Variants in C3AR1 observed in about 807,000 individuals in gnomAD.
C3AR1 encodes C3a anaphylatoxin chemotactic receptor.
For missense variants in C3AR1, 579 were observed against 583.5 expected, an observed-to-expected ratio of 0.99 and a Z score of 0.08; for synonymous variants, 208 against 225.3, an observed-to-expected ratio of 0.92 and a Z score of 0.69.
rs1432811728 is a variant in C3AR1 at position 8,059,905 on chromosome 12, A to G, written c.281T>C (p.Leu94Pro). Residue 94 changes from leucine (L) to proline (P), a missense_variant, in exon 2 of 2, where the codon CTA (leucine) becomes CCA (proline). Leu to Pro is a moderately conservative substitution (Grantham distance 98). Transcript: ENST00000307637. Reference sequence around the variant, plus strand: ...AATGATGGAGGGGATGAGCTTGCATAGGAACCTGCCGTAGGGCCACTGTCC... The same window carrying G: ...AATGATGGAGGGGATGAGCTTGCATGGGAACCTGCCGTAGGGCCACTGTCC... ...LQGQWPYGRFLCKLIPSIIVL... is the reference protein window; with the variant it reads ...LQGQWPYGRFPCKLIPSIIVL... 1.9e-6 allele frequency: 3 copies of G among 1,614,218 alleles called. No individual in the cohort carries two copies. Among genetic ancestry groups the G allele is most frequent in the Non-Finnish European group, 8.5e-7 (1 of 1,180,038 alleles).
intron 1 of C3AR1, among the ~76,000 whole-genome samples, chr12:8,060,433 C>T (rs948870690): frequency 6.6e-6 from 1 of 152,268 alleles, no homozygotes; most frequent in South Asian, 2.1e-4. Flanking sequence ...CTTCCTCTGT[C>T]GCGCAGGCTG....
At chr12:8,060,458 G>T (rs1401436806) in intron 1 of C3AR1, among the ~76,000 whole-genome samples, 1 of 152,176 alleles carries the variant, frequency 6.6e-6, no homozygotes, top group African/African-American at 2.4e-5. Flanking sequence ...GCAGTGGATT[G>T]ATTTCAGCTC....
chr12:8,058,608 G>T lies in C3AR1; in HGVS notation c.*129C>A. The T allele has an allele frequency of 9.6e-7, 1 of 1,045,494 alleles. No individual in the cohort carries two copies. The highest frequency in any genetic ancestry group is 1.4e-6 in the Non-Finnish European group (1 of 713,398). 64.8% of individuals were successfully genotyped at this position (1,045,494 alleles called of 1,614,324 possible). A position where few individuals can be genotyped will look rare whatever the true frequency, so the allele number is the denominator to read the frequency against. ...TGCTGATGTCAATAGTCTGTGTACC[G>T]TTTGAGAACCGCTGGATTGATTCTT... On this transcript the variant is annotated 3_prime_UTR_variant, in exon 2 of 2. Coordinates refer to ENST00000307637, the MANE Select transcript of C3AR1 (RefSeq NM_004054.4).
intron 1 of C3AR1, among the ~76,000 whole-genome samples, chr12:8,064,895 G>A (rs1344640958): frequency 6.6e-6 from 1 of 151,774 alleles, no homozygotes; most frequent in Non-Finnish European, 1.5e-5. Flanking sequence ...TTGTTTGTTT[G>A]TAGAGATAGG....
intron 1 of C3AR1, among the ~76,000 whole-genome samples, chr12:8,065,472 G>A (rs916872523): frequency 6.6e-6 from 1 of 151,870 alleles, no homozygotes; most frequent in African/African-American, 2.4e-5. Context: ...CCAACATGGT[G>A]GAACCCTGTC....
intron 1 of C3AR1, among the ~76,000 whole-genome samples, chr12:8,064,729 T>C (rs989798915): frequency 1.3e-5 from 2 of 151,850 alleles, no homozygotes; most frequent in Admixed American, 1.3e-4. Flanking sequence ...TCATTCCCCT[T>C]TCCATGGCCT....
chr12:8,065,307 G>T (rs1947320134), intron 1 of C3AR1, among the ~76,000 whole-genome samples: 1 of 152,092 alleles, frequency 6.6e-6, no homozygotes. Flanking sequence ...GTTAAATATT[G>T]TTATTATCTG....
Position 8,059,054 on chromosome 12 carries a change from C to T in C3AR1, c.1132G>A (p.Val378Met), listed in dbSNP as rs142900121. ...FAKSQSKTFR[V>M]AVVVVAVFLV... is the part of the protein sequence containing the mutation. ...AAGACAGCCACCACCACCACGGCCA[C>T]TCGAAAGGTTTTGCTCTGAGACTTG... Residue 378 changes from valine to methionine, a missense_variant, in exon 2 of 2, where the codon GTG becomes ATG. Transcript: ENST00000307637. The T allele has an allele frequency of 5.6e-6, 9 of 1,614,172 alleles. No homozygotes were observed. The highest frequency in any genetic ancestry group is 7.6e-6 in the Non-Finnish European group (9 of 1,180,028).
chr12:8,064,732 C>T (rs1418635117), intron 1 of C3AR1, among the ~76,000 whole-genome samples: 1 of 151,718 alleles, frequency 6.6e-6, no homozygotes, highest in African/African-American at 2.4e-5. Flanking sequence ...TTCCCCTTTC[C>T]ATGGCCTTGT....
intron 1 of C3AR1, among the ~76,000 whole-genome samples, chr12:8,060,920 G>A (rs796882581): frequency 3.3e-5 from 5 of 152,300 alleles, no homozygotes; most frequent in African/African-American, 1.2e-4. Context: ...CTGAGGTCAC[G>A]AAAGGGTTTT....
intron 1 of C3AR1, among the ~76,000 whole-genome samples, chr12:8,065,401 A>C (rs1400963143): frequency 6.6e-6 from 1 of 152,208 alleles, no homozygotes; most frequent in Admixed American, 6.5e-5. Flanking sequence ...CTGTAATCCC[A>C]GCACTTTGGG....
intron 1 of C3AR1, among the ~76,000 whole-genome samples, chr12:8,060,783 C>T (rs1251876866): frequency 1.3e-5 from 2 of 152,218 alleles, no homozygotes; most frequent in Non-Finnish European, 2.9e-5. Flanking sequence ...GTGTAAATTT[C>T]TCCTCTTTCT....
rs758530012 is a variant in C3AR1 at position 8,058,974 on chromosome 12, G to T, written c.1212C>A (p.Asp404Glu). 1.1e-5 allele frequency: 17 copies of T among 1,614,068 alleles called. 1 individual carries two copies. The South Asian group carries it at 1.6e-4, about 16-fold the overall frequency. The change falls in exon 2 of 2, where the codon GAC (aspartate) becomes GAA (glutamate). Residue 404 changes from aspartate to glutamate, a missense_variant. By Grantham distance (45) the Asp-to-Glu change is conservative (BLOSUM62 2). Transcript: ENST00000307637. Reference protein sequence around the residue: ...HIFGVLSLLTDPETPLGKTLM... With the variant: ...HIFGVLSLLTEPETPLGKTLM... Reference sequence around the variant, plus strand: ...GAGTTTTCCCCAAGGGAGTTTCTGGGTCAGTAAGCAATGACAGGACTCCAA... The same window carrying T: ...GAGTTTTCCCCAAGGGAGTTTCTGGTTCAGTAAGCAATGACAGGACTCCAA...
At chr12:8,066,085 G>A (rs900967701) in intron 1 of C3AR1, 193 bp downstream of exon 1, 4 of 150,930 alleles carry the variant, frequency 2.7e-5, no homozygotes, top group Non-Finnish European at 5.9e-5. Flanking sequence ...ATTCCACTAT[G>A]AAAATATTAA....
chr12:8,063,072 C>T (rs1947292838), intron 1 of C3AR1, among the ~76,000 whole-genome samples: 1 of 149,440 alleles, frequency 6.7e-6, no homozygotes. Context: ...ATTCTTCTGC[C>T]TCAGCCTCCC....
intron 1 of C3AR1, among the ~76,000 whole-genome samples, chr12:8,065,653 C>CAAAAAAAAAAAAA (rs753950088): frequency 1.4e-5 from 1 of 72,332 alleles, no homozygotes; most frequent in African/African-American, 4.8e-5. Context: ...GACTCTGTCT[C>CAAAAAAAAAAAAA]AAAAAAAAAA....
At position 8,059,730 on chromosome 12, in the gene C3AR1, C is replaced by T. The variant is rs1235026689; in HGVS notation, c.456G>A (p.Val152=). The change falls in exon 2 of 2, where the codon GTG becomes GTA. Residue 152 remains valine (V), a synonymous_variant. Transcript: ENST00000307637. ...GGTACACGAACACAGGAATGCACAT[C>T]ACAAAAGCCACCACCCAGATACATC... is the stretch of plus-strand genomic sequence containing the variant. ...ICGCIWVVAF[V]MCIPVFVYRE... The T allele has an allele frequency of 4.1e-5, 66 of 1,614,038 alleles. No individual in the cohort carries two copies. Among genetic ancestry groups the T allele is most frequent in the Non-Finnish European group, 5.5e-5 (65 of 1,180,042 alleles).
intron 1 of C3AR1, among the ~76,000 whole-genome samples, chr12:8,060,569 A>G (rs1479708064): frequency 6.6e-6 from 1 of 152,050 alleles, no homozygotes. Context: ...TAATTTTTGT[A>G]TTTTTAGTAG....
At chr12:8,061,753 G>A (rs1318902133) in intron 1 of C3AR1, among the ~76,000 whole-genome samples, 1 of 152,100 alleles carries the variant, frequency 6.6e-6, no homozygotes, top group Non-Finnish European at 1.5e-5. Context: ...GAGCCACCGC[G>A]CCTGGCCCTA....
Sources: allele counts gnomAD v4.1 joint callset (sites outside exome capture counted in the v4.1 genomes callset), GRCh38; gene constraint gnomAD v4.1.1; transcripts MANE v1.5; gene names NCBI Gene and HGNC (gene_info 2026-07-23, HGNC 2026-07-21).